Variants in DNAH17 observed in about 807,000 individuals in gnomAD.
The protein encoded by DNAH17 is axonemal beta dynein heavy chain 17.
DNAH17 carries 376 observed loss-of-function variants against 485.6 expected under a neutral mutation model. The ratio of observed to expected loss-of-function variants is 0.77; its 90% CI spans 0.71 to 0.84. The LOEUF (loss-of-function observed/expected upper bound fraction) is 0.84, where lower values mean the gene tolerates loss of function less well. DNAH17 is among the 40% of genes least tolerant of loss of function. The pLI, the probability that DNAH17 is intolerant of heterozygous loss-of-function variation, is 0.00. For synonymous variants in DNAH17, 3,031 were observed against 2,405.9 expected (o/e 1.26, Z -7.60); for missense variants, 6,370 against 5,839.3 (o/e 1.09, Z -2.96).
intron 22 of DNAH17, among the ~76,000 whole-genome samples, chr17:78,529,261 A>G (rs972111130): frequency 1.3e-5 from 2 of 152,014 alleles, no homozygotes; most frequent in East Asian, 1.9e-4. Context: ...GAACGGAGGG[A>G]GCACTGGCCT....
intron 3 of DNAH17, 94 bp downstream of exon 3, chr17:78,572,607 G>A (rs772513794): frequency 1.7e-5 from 20 of 1,172,962 alleles, no homozygotes; most frequent in East Asian, 2.6e-5. Flanking sequence ...GGGAAACAAC[G>A]GGTCGGAGTG....
At chr17:78,509,286 TTATTTA>T (rs1425681357) in intron 27 of DNAH17, among the ~76,000 whole-genome samples, 1 of 151,628 alleles carries the variant, frequency 6.6e-6, no homozygotes, top group African/African-American at 2.4e-5. Flanking sequence ...TTTTTTAAAT[TTATTTA>T]TTTTTTTTGT....
intron 75 of DNAH17, among the ~76,000 whole-genome samples, chr17:78,431,295 C>A (rs1401330676): frequency 6.6e-6 from 1 of 152,240 alleles, no homozygotes; most frequent in Non-Finnish European, 1.5e-5. Flanking sequence ...CTGCATCTTG[C>A]TTAGCAGCTT....
rs1221774394 is a variant in DNAH17 at position 78,496,041 on chromosome 17, T to C, written c.5746-9A>G. ...TCCTGGACACATTTTACCTGCACGG[T>C]TGGTGACACAGACATGTTAGCATGG... On this transcript the variant is annotated splice_polypyrimidine_tract_variant and intron_variant, in intron 37 of 80. Coordinates refer to ENST00000389840, the MANE Select transcript of DNAH17 (RefSeq NM_173628.4). 1.2e-6 allele frequency: 2 copies of C among 1,610,742 alleles called. No homozygotes were observed. Among genetic ancestry groups the C allele is most frequent in the Non-Finnish European group, 1.7e-6 (2 of 1,177,504 alleles).
chr17:78,570,364 G>T lies in DNAH17; in HGVS notation c.927C>A (p.Thr309=). 6.2e-7 allele frequency: 1 copy of T among 1,610,582 alleles called. No homozygotes were observed. The highest frequency in any genetic ancestry group is 8.5e-7 in the Non-Finnish European group (1 of 1,178,816). ...MEQADFTMLP[T]FIAKVLDTIC... ...TGGTGTCCAGCACCTTGGCAATGAAGGTGGGGAGCTGGGGGGAGACAGGCC... is the reference window on the plus strand; with the variant it reads ...TGGTGTCCAGCACCTTGGCAATGAATGTGGGGAGCTGGGGGGAGACAGGCC... The change falls in exon 7 of 81, where the codon ACC becomes ACA. Residue 309 remains threonine (T), a synonymous_variant. Transcript: ENST00000389840.
At chr17:78,472,935 T>C (rs1258404964) in intron 54 of DNAH17, among the ~76,000 whole-genome samples, 1 of 152,160 alleles carries the variant, frequency 6.6e-6, no homozygotes, top group East Asian at 1.9e-4. Context: ...GACATCTTGA[T>C]GTAGTCTCGT....
chr17:78,429,118 T>TA lies in DNAH17; in HGVS notation c.12405+2dup. On this transcript the variant is annotated splice_region_variant and intron_variant, in intron 76 of 80. Transcript: ENST00000389840. ...GAGCTCCTGTTTAACTTGTCATCCTTACCTTGTAGTCCAGGTTGGGGGGGA... is the reference window on the plus strand; with the variant it reads ...GAGCTCCTGTTTAACTTGTCATCCTTAACCTTGTAGTCCAGGTTGGGGGGGA... 2 of 1,603,800 alleles carry TA rather than the reference T, an allele frequency of 1.2e-6. No homozygotes were observed. The highest frequency in any genetic ancestry group is 3.3e-4 in the Middle Eastern group (2 of 6,016).
chr17:78,492,640 C>T lies in DNAH17; in HGVS notation c.6534G>A (p.Trp2178Ter). 6.2e-7 allele frequency: 1 copy of T among 1,613,790 alleles called. No individual in the cohort carries two copies. The highest frequency in any genetic ancestry group is 8.5e-7 in the Non-Finnish European group (1 of 1,179,810). Reference protein sequence around the residue: ...FGIINPVTREWKDGLFSTIMR... With the variant: ...FGIINPVTRE Reference sequence around the variant, plus strand: ...CGGGACCACCCTCGTTACCATCTTTCCATTCCCTGGTCACTGGGTTGATGA... The same window carrying T: ...CGGGACCACCCTCGTTACCATCTTTTCATTCCCTGGTCACTGGGTTGATGA... The change falls in exon 42 of 81, where the codon TGG (tryptophan) becomes TGA (stop). Residue 2178 changes from tryptophan (W) to a stop codon, truncating the protein, a stop_gained. Coordinates refer to ENST00000389840, the MANE Select transcript of DNAH17 (RefSeq NM_173628.4). LOFTEE classifies it high-confidence loss of function.
Position 78,485,207 on chromosome 17 carries a change from C to T in DNAH17, c.7484-174G>A, listed in dbSNP as rs57434983. ...CCCTTGAGGGGGCACCGGGTACAGC[C>T]CCAGGAATAAACAGAGCGATCAGAG... On this transcript the variant is annotated intron_variant, in intron 47 of 80. Transcript: ENST00000389840. The T allele has an allele frequency of 0.018, 14,062 of 792,166 alleles. 1,286 individuals are homozygous for T. In the African/African-American group the frequency reaches 0.21, roughly 12 times the overall value. The allele number at this position is 792,166 out of a possible 1,614,324, so 49.1% of individuals were successfully genotyped here. A position where few individuals can be genotyped will look rare whatever the true frequency, so the allele number is the denominator to read the frequency against.
At chr17:78,567,327 T>C (rs972552074) in intron 9 of DNAH17, among the ~76,000 whole-genome samples, 161 bp from the exon 10 acceptor site, 2 of 151,986 alleles carry the variant, frequency 1.3e-5, no homozygotes, top group South Asian at 2.1e-4. Flanking sequence ...GTCTGTGCTG[T>C]TCTTTAAGCA....
rs367932315 is a variant in DNAH17 at position 78,508,598 on chromosome 17, G to A, written c.4237-793C>T. On this transcript the variant is annotated intron_variant, in intron 27 of 80. Coordinates refer to ENST00000389840, the MANE Select transcript of DNAH17 (RefSeq NM_173628.4). Reference sequence around the variant, plus strand: ...ACCCTAAAAGCATAGTGAAAATGTTGCCTCCTCTACCTATGATGCCATTCC... The same window carrying A: ...ACCCTAAAAGCATAGTGAAAATGTTACCTCCTCTACCTATGATGCCATTCC... 3.0e-4 allele frequency among the ~76,000 whole-genome samples: 45 copies of A among 152,184 alleles called. No homozygotes were observed. In the East Asian group the frequency reaches 7.5e-3, roughly 26 times the overall value.
In DNAH17 at chr17:78,479,477, C is replaced by G. The variant is rs769887446; in HGVS notation, c.7900+8G>C. On this transcript the variant is annotated splice_region_variant and intron_variant, in intron 50 of 80. Transcript: ENST00000389840. Reference sequence around the variant, plus strand: ...CGATGGGAGAGGGGATGAGGCCAGCCAGCTTACCCAGGGCCGCGGCCACCA... The same window carrying G: ...CGATGGGAGAGGGGATGAGGCCAGCGAGCTTACCCAGGGCCGCGGCCACCA... The G allele has an allele frequency of 1.9e-6, 3 of 1,604,780 alleles. No individual in the cohort carries two copies. Among genetic ancestry groups the G allele is most frequent in the Admixed American group, 3.5e-5 (2 of 57,606 alleles).
chr17:78,499,434 CT>C (rs2090193585), intron 36 of DNAH17: 1 of 184,896 alleles, frequency 5.4e-6, no homozygotes, highest in Admixed American at 6.2e-5. Flanking sequence ...CAGCCCTTTT[CT>C]TTCTTGCGTG....
intron 48 of DNAH17, among the ~76,000 whole-genome samples, chr17:78,484,413 G>C (rs558163790): frequency 6.6e-6 from 1 of 152,224 alleles, no homozygotes; most frequent in East Asian, 1.9e-4. Context: ...GCTTCCAGCT[G>C]TGCACCATCT....
chr17:78,514,524 A>G (rs1438138220), intron 26 of DNAH17, among the ~76,000 whole-genome samples: 2 of 147,992 alleles, frequency 1.4e-5, no homozygotes, highest in African/African-American at 2.5e-5. Context: ...AAAAAAAAAG[A>G]AAAAGAAAAT....
At chr17:78,509,871 T>C (rs1045087899) in intron 27 of DNAH17, among the ~76,000 whole-genome samples, 1 of 152,158 alleles carries the variant, frequency 6.6e-6, no homozygotes, top group Non-Finnish European at 1.5e-5. Context: ...TAGCCGCAAA[T>C]TGGGTTTTCT....
At chr17:78,562,960 G>A (rs575079413) in intron 11 of DNAH17, among the ~76,000 whole-genome samples, 19 of 152,280 alleles carry the variant, frequency 1.2e-4, no homozygotes, top group Admixed American at 2.6e-4. Context: ...CATAACCCAC[G>A]CCCAATGGGG....
At chr17:78,496,321 G>A (rs1236483885) in intron 37 of DNAH17, among the ~76,000 whole-genome samples, 1 of 151,400 alleles carries the variant, frequency 6.6e-6, no homozygotes, top group Non-Finnish European at 1.5e-5. Flanking sequence ...AACATAGCAA[G>A]ACCCTGTCTC....
chr17:78,515,721 C>T (rs2143137158), intron 25 of DNAH17, among the ~76,000 whole-genome samples: 1 of 152,306 alleles, frequency 6.6e-6, no homozygotes, highest in African/African-American at 2.4e-5. Flanking sequence ...AGGGGCATCG[C>T]CGAAATACAG....
Sources: gnomAD v4.1 joint callset for allele counts (sites outside exome capture counted in the v4.1 genomes callset) on GRCh38, gnomAD v4.1.1 for gene constraint, MANE v1.5 for transcripts, NCBI Gene and HGNC (gene_info 2026-07-23, HGNC 2026-07-21) for gene names.